RBMS3: variants seen among roughly 807,000 people sequenced by gnomAD.
RBMS3 encodes RNA binding motif single stranded interacting protein 3.
A neutral mutation model predicts 66.8 loss-of-function variants in RBMS3; 27 were observed. The ratio of observed to expected loss-of-function variants is 0.40; its 90% confidence interval spans 0.30 to 0.56. The LOEUF (loss-of-function observed/expected upper bound fraction) is 0.56, where lower values mean the gene tolerates loss of function less well. RBMS3 is among the 20% of genes least tolerant of loss of function. The probability of loss-of-function intolerance (pLI) is 0.40; values close to 1 mark genes in which losing one functional copy is unlikely to be tolerated. For missense variants in RBMS3, 513 were observed against 549.5 expected (o/e 0.93, Z 0.66); for synonymous variants, 188 against 183.0 (o/e 1.03, Z -0.22).
chr3:29,675,411 G>T (rs2051201616), intron 4 of RBMS3, among the ~76,000 whole-genome samples: 1 of 152,110 alleles, frequency 6.6e-6, no homozygotes, highest in Non-Finnish European at 1.5e-5. Context: ...GCAAAAAAAA[G>T]CCAAAATAGA....
intron 6 of RBMS3, among the ~76,000 whole-genome samples, chr3:29,776,341 A>G (rs1181883991): frequency 6.6e-6 from 1 of 151,906 alleles, no homozygotes; most frequent in Non-Finnish European, 1.5e-5. Context: ...TTTAACTTGA[A>G]CAAGTTATTT....
rs142365405 is a variant in RBMS3, at chr3:29,531,469, T to G, written c.307+42970T>G. Among the ~76,000 whole-genome samples the G allele has an allele frequency of 3.4e-3, 516 of 152,360 alleles. 2 individuals carry two copies. The highest frequency in any genetic ancestry group is 7.3e-3 in the East Asian group (38 of 5,190). ...TGCTTGTTATGAGATACGTCTTTTA[T>G]TCTTCATTTGCTCAATTTTTTCACT... On this transcript the variant is annotated intron_variant, in intron 3 of 14. Transcript: ENST00000383767.
At chr3:29,284,728 G>A (rs2032129964) in intron 1 of RBMS3, among the ~76,000 whole-genome samples, 4 of 151,872 alleles carry the variant, frequency 2.6e-5, no homozygotes, top group African/African-American at 7.3e-5. Context: ...AAATATACAT[G>A]TAAGTTAAGA....
chr3:29,571,314 A>T (rs1457881764), intron 3 of RBMS3, among the ~76,000 whole-genome samples: 1 of 152,070 alleles, frequency 6.6e-6, no homozygotes, highest in Non-Finnish European at 1.5e-5. Context: ...ACTGTGCAGA[A>T]GCTTTTTAAC....
rs147424364 is a variant in RBMS3, at chr3:29,464,825, C to G, written c.249-23616C>G. Among the ~76,000 whole-genome samples, 837 of 152,276 alleles carry G rather than the reference C, an allele frequency of 5.5e-3. 3 individuals carry two copies. The highest frequency in any genetic ancestry group is 0.017 in the African/African-American group (704 of 41,566). ...GCTTCCAGCATAGATGTATCCATGACTGCCTTTGTTCCCTCGTGATGTCTT... is the reference window on the plus strand; with the variant it reads ...GCTTCCAGCATAGATGTATCCATGAGTGCCTTTGTTCCCTCGTGATGTCTT... On this transcript the variant is annotated intron_variant, in intron 2 of 14. Coordinates refer to ENST00000383767, the MANE Select transcript of RBMS3 (RefSeq NM_001003793.3).
At chr3:29,345,315 A>AGCC (rs2036510022) in intron 1 of RBMS3, among the ~76,000 whole-genome samples, 2 of 152,238 alleles carry the variant, frequency 1.3e-5, no homozygotes, top group South Asian at 4.1e-4. Context: ...TTGTCTCTTG[A>AGCC]AAACTCATGG....
intron 8 of RBMS3, among the ~76,000 whole-genome samples, chr3:29,893,215 G>A (rs1234012385): frequency 6.6e-6 from 1 of 151,442 alleles, no homozygotes; most frequent in Non-Finnish European, 1.5e-5. Flanking sequence ...GGAATTTGCT[G>A]GGAAGTATGA....
intron 4 of RBMS3, among the ~76,000 whole-genome samples, chr3:29,722,858 G>A (rs926979545): frequency 6.6e-6 from 1 of 152,024 alleles, no homozygotes; most frequent in Non-Finnish European, 1.5e-5. Context: ...ATACTACTTT[G>A]ATCACTTGTT....
chr3:29,597,956 G>A (rs764965339), intron 4 of RBMS3, among the ~76,000 whole-genome samples: 14 of 151,978 alleles, frequency 9.2e-5, no homozygotes, highest in Non-Finnish European at 1.8e-4. Context: ...TGCTTGATGA[G>A]ACCAGCACAA....
chr3:30,001,996 G>A (rs1699636860), intron 14 of RBMS3, among the ~76,000 whole-genome samples: 1 of 151,998 alleles, frequency 6.6e-6, no homozygotes, highest in East Asian at 1.9e-4. Flanking sequence ...TCTTTGAAAT[G>A]GCAAGATCCT....
chr3:29,598,706 T>C (rs1283849397), intron 4 of RBMS3, among the ~76,000 whole-genome samples: 1 of 151,882 alleles, frequency 6.6e-6, no homozygotes, highest in Admixed American at 6.6e-5. Flanking sequence ...ATTTTTCTCT[T>C]CTTCTGTCTC....
At chr3:29,782,165 TATAGGACCATAGCTG>T (rs1196138524) in intron 6 of RBMS3, among the ~76,000 whole-genome samples, 2 of 152,028 alleles carry the variant, frequency 1.3e-5, no homozygotes, top group East Asian at 3.9e-4. Flanking sequence ...TTTGTATCCT[TATAGGACCATAGCTG>T]ACGCGCTCTT....
chr3:29,488,597 A>G, intron 3 of RBMS3, 98 bp downstream of exon 3: 1 of 1,081,120 alleles, frequency 9.2e-7, no homozygotes, highest in Non-Finnish European at 1.4e-6. Context: ...CACAATGATC[A>G]CAATGCATAG....
intron 11 of RBMS3, among the ~76,000 whole-genome samples, chr3:29,937,270 T>G (rs978408834): frequency 6.6e-6 from 1 of 152,054 alleles, no homozygotes; most frequent in African/African-American, 2.4e-5. Flanking sequence ...TATTCAATTC[T>G]GTATTTTTAA....
At chr3:29,441,509 G>T (rs1260459274) in intron 2 of RBMS3, among the ~76,000 whole-genome samples, 1 of 152,112 alleles carries the variant, frequency 6.6e-6, no homozygotes, top group African/African-American at 2.4e-5. Context: ...AAAGGGTTAA[G>T]AAACTTGTTC....
At position 29,584,427 on chromosome 3, in the gene RBMS3, T is replaced by A. The variant is rs77579434; in HGVS notation, c.308-2687T>A. Reference sequence around the variant, plus strand: ...TTCCTATTAATAACATCTATATCTTTGTGCTGTTGTCCTCCTATATTTCCA... The same window carrying A: ...TTCCTATTAATAACATCTATATCTTAGTGCTGTTGTCCTCCTATATTTCCA... On this transcript the variant is annotated intron_variant, in intron 3 of 14. Coordinates refer to ENST00000383767, the MANE Select transcript of RBMS3 (RefSeq NM_001003793.3). 3.2e-3 allele frequency among the ~76,000 whole-genome samples: 484 copies of A among 152,280 alleles called. 10 individuals carry two copies. In the East Asian group the frequency reaches 0.065, roughly 20 times the overall value.
chr3:29,668,219 A>G (rs1461593405), intron 4 of RBMS3, among the ~76,000 whole-genome samples: 1 of 152,208 alleles, frequency 6.6e-6, no homozygotes, highest in Non-Finnish European at 1.5e-5. Context: ...GATGACATAA[A>G]TCAGACATTA....
At chr3:29,767,659 A>G (rs2055994661) in intron 6 of RBMS3, 1 of 151,986 alleles carries the variant, frequency 6.6e-6, no homozygotes, top group South Asian at 2.1e-4. Context: ...TGAATACTTT[A>G]TGGGAGCAAG....
chr3:29,384,955 A>T (rs2125631460), intron 1 of RBMS3, among the ~76,000 whole-genome samples: 1 of 152,040 alleles, frequency 6.6e-6, no homozygotes, highest in African/African-American at 2.4e-5. Context: ...CGGAGCAGAG[A>T]TGTATGATCT....
Sources: gnomAD v4.1 joint callset for allele counts (sites outside exome capture counted in the v4.1 genomes callset) on GRCh38, gnomAD v4.1.1 for gene constraint, MANE v1.5 for transcripts, NCBI Gene and HGNC (gene_info 2026-07-23, HGNC 2026-07-21) for gene names.